Variants in ZNF385D observed in about 807,000 individuals in gnomAD.
ZNF385D encodes zinc finger protein 385D.
In ZNF385D, 15 loss-of-function variants were observed where a neutral mutation model predicts 35.8. The ratio of observed to expected loss-of-function variants is 0.42; its 90% confidence interval spans 0.28 to 0.64. ZNF385D has a LOEUF of 0.64. Ranked by LOEUF, ZNF385D falls within the 30% of genes least tolerant of loss-of-function variation. The pLI, the probability that ZNF385D is intolerant of heterozygous loss-of-function variation, is 0.23. For missense variants in ZNF385D, 474 were observed against 494.6 expected (o/e 0.96, Z 0.39); for synonymous variants, 212 against 186.8 (o/e 1.13, Z -1.10).
At chr3:21,799,002 C>T (rs928474631) in intron 3 of ZNF385D, among the ~76,000 whole-genome samples, 4 of 152,156 alleles carry the variant, frequency 2.6e-5, no homozygotes, top group Non-Finnish European at 4.4e-5. Flanking sequence ...ATCTGCTTTA[C>T]AGGTCTATGG....
Position 21,697,402 on chromosome 3 carries a change from A to T in ZNF385D, c.23-32374T>A, listed in dbSNP as rs141461551. Among the ~76,000 whole-genome samples the T allele has an allele frequency of 4.1e-3, 624 of 152,284 alleles. 6 individuals carry two copies. Among genetic ancestry groups the T allele is most frequent in the African/African-American group, 0.014 (570 of 41,576 alleles). ...ATCTCTGACAATAAAAAGTTTCGTGATTTGTTTTGAGTGTCCTATTTGCCC... is the reference window on the plus strand; with the variant it reads ...ATCTCTGACAATAAAAAGTTTCGTGTTTTGTTTTGAGTGTCCTATTTGCCC... On this transcript the variant is annotated intron_variant, in intron 1 of 7. Transcript: ENST00000281523.
At chr3:21,894,771 C>A (rs970711594) in intron 3 of ZNF385D, among the ~76,000 whole-genome samples, 4 of 152,084 alleles carry the variant, frequency 2.6e-5, no homozygotes, top group African/African-American at 4.8e-5. Context: ...TTAAATCTTA[C>A]AAGCAGCAAT....
intron 2 of ZNF385D, among the ~76,000 whole-genome samples, chr3:21,581,179 A>G (rs1223431433): frequency 6.6e-6 from 1 of 152,200 alleles, no homozygotes; most frequent in African/African-American, 2.4e-5. Flanking sequence ...ATTTTGCTGC[A>G]ATAACGTAGA....
intron 2 of ZNF385D, among the ~76,000 whole-genome samples, chr3:21,601,135 A>G (rs980453181): frequency 6.6e-6 from 1 of 152,244 alleles, no homozygotes; most frequent in Non-Finnish European, 1.5e-5. Context: ...AATAACAATT[A>G]AAAATTATTT....
intron 3 of ZNF385D, among the ~76,000 whole-genome samples, chr3:22,161,232 C>A (rs1203876092): frequency 6.6e-6 from 1 of 151,928 alleles, no homozygotes; most frequent in Admixed American, 6.6e-5. Flanking sequence ...TAGTGATATA[C>A]AAACATTGTT....
intron 2 of ZNF385D, among the ~76,000 whole-genome samples, chr3:22,292,073 T>C (rs1702329080): frequency 6.6e-6 from 1 of 151,984 alleles, no homozygotes; most frequent in African/African-American, 2.4e-5. Flanking sequence ...TTTCTGCTTT[T>C]TAATTTGAGA....
chr3:21,980,961 C>T (rs1367134160), intron 3 of ZNF385D, among the ~76,000 whole-genome samples: 1 of 152,094 alleles, frequency 6.6e-6, no homozygotes, highest in Non-Finnish European at 1.5e-5. Context: ...TTTATCCAAT[C>T]TGTCTTTAGT....
intron 2 of ZNF385D, among the ~76,000 whole-genome samples, chr3:22,322,363 G>C (rs1038243192): frequency 1.3e-5 from 2 of 152,084 alleles, no homozygotes; most frequent in Admixed American, 1.3e-4. Context: ...GCTGGATATA[G>C]TAATATTCTA....
chr3:22,082,754 T>A (rs1218100219), intron 3 of ZNF385D, among the ~76,000 whole-genome samples: 2 of 152,192 alleles, frequency 1.3e-5, no homozygotes, highest in Non-Finnish European at 2.9e-5. Flanking sequence ...CCTCCACAAG[T>A]GGGTCCCTAA....
intron 2 of ZNF385D, among the ~76,000 whole-genome samples, chr3:22,354,049 G>A (rs1185888116): frequency 6.6e-6 from 1 of 151,626 alleles, no homozygotes; most frequent in Non-Finnish European, 1.5e-5. Context: ...TTTTTGGTTG[G>A]CCAGACCATA....
chr3:21,963,526 T>C (rs2125323735), intron 3 of ZNF385D, among the ~76,000 whole-genome samples: 1 of 152,300 alleles, frequency 6.6e-6, no homozygotes, highest in East Asian at 1.9e-4. Context: ...AAACTTCTGA[T>C]CTCAATCTAT....
chr3:22,172,482 A>G (rs1694526445), intron 2 of ZNF385D, among the ~76,000 whole-genome samples: 1 of 152,230 alleles, frequency 6.6e-6, no homozygotes, highest in Admixed American at 6.5e-5. Context: ...TGATTTATTT[A>G]GTGCACTGTT....
chr3:22,115,420 A>G (rs950709410), intron 3 of ZNF385D, among the ~76,000 whole-genome samples: 4 of 152,130 alleles, frequency 2.6e-5, no homozygotes, highest in African/African-American at 4.8e-5. Context: ...GATTTTATTT[A>G]AAAATTACTT....
chr3:21,766,813 C>G (rs1157512198), intron 3 of ZNF385D, among the ~76,000 whole-genome samples: 1 of 151,906 alleles, frequency 6.6e-6, no homozygotes, highest in Non-Finnish European at 1.5e-5. Flanking sequence ...GTCAAGAGCA[C>G]CTAGTTAAAA....
At chr3:22,299,767 A>T (rs1702795869) in intron 2 of ZNF385D, among the ~76,000 whole-genome samples, 1 of 151,972 alleles carries the variant, frequency 6.6e-6, no homozygotes, top group Non-Finnish European at 1.5e-5. Flanking sequence ...AAAGCAGTAA[A>T]AGACCTGTAC....
intron 3 of ZNF385D, among the ~76,000 whole-genome samples, chr3:21,962,743 T>C (rs922524449): frequency 1.3e-5 from 2 of 152,204 alleles, no homozygotes; most frequent in African/African-American, 2.4e-5. Context: ...TTTTTCTGTC[T>C]TATAATTTCG....
chr3:22,244,940 G>C (rs567007633), intron 2 of ZNF385D, among the ~76,000 whole-genome samples: 1 of 152,148 alleles, frequency 6.6e-6, no homozygotes, highest in East Asian at 1.9e-4. Context: ...ATTTGTGCTA[G>C]AGGAGCTGTG....
intron 2 of ZNF385D, among the ~76,000 whole-genome samples, chr3:22,274,785 T>C (rs1246342179): frequency 3.0e-4 from 12 of 39,938 alleles, no homozygotes; most frequent in Admixed American, 1.1e-3. Flanking sequence ...AAGTTAGTAC[T>C]TTTTTTTTTT....
Position 21,658,446 on chromosome 3 carries a change from T to C in ZNF385D, c.165+6440A>G, listed in dbSNP as rs76446857. Among the ~76,000 whole-genome samples the C allele has an allele frequency of 8.2e-3, 1,253 of 152,148 alleles. 18 individuals are homozygous for C. Among genetic ancestry groups the C allele is most frequent in the African/African-American group, 0.029 (1,219 of 41,550 alleles). ...ATCTAATGCATAAAACAGTGAGTGC[T>C]TAGAATTTTTCTTTCTTATTGACAC... On this transcript the variant is annotated intron_variant, in intron 2 of 7. Coordinates refer to ENST00000281523, the MANE Select transcript of ZNF385D (RefSeq NM_024697.3).
Sources: gnomAD v4.1 joint callset for allele counts (sites outside exome capture counted in the v4.1 genomes callset) on GRCh38, gnomAD v4.1.1 for gene constraint, MANE v1.5 for transcripts, NCBI Gene and HGNC (gene_info 2026-07-23, HGNC 2026-07-21) for gene names.